The following TSC1 variants were observed in gnomAD, a reference collection of about 807,000 sequenced individuals.
TSC1 encodes the protein TSC complex subunit 1.
TSC1 carries 20 observed loss-of-function variants against 124.3 expected under a neutral mutation model. That is an observed-to-expected ratio of 0.16 (90% confidence interval 0.11 to 0.23). TSC1 has a LOEUF of 0.23. TSC1 is among the 10% of genes least tolerant of loss of function. The pLI is 1.00. For missense variants in TSC1, 1,124 were observed against 1,448.5 expected (o/e 0.78, Z 3.64); for synonymous variants, 493 against 539.1 (o/e 0.91, Z 1.19).
chr9:132,903,540 TG>T lies in TSC1; in HGVS notation c.2208+110del. On this transcript the variant is annotated intron_variant, in intron 17 of 22. Coordinates refer to ENST00000298552, the MANE Select transcript of TSC1 (RefSeq NM_000368.5). The surrounding 1 kb of genome is among the most constrained non-coding windows in gnomAD (Gnocchi z 5.9). ...ATCTCAAGCGACCTGCCCAAAGGAG[TG>T]GGAAGGACTGGGAACTCTGACCTCC... The T allele has an allele frequency of 6.7e-7, 1 of 1,500,706 alleles. No homozygotes were observed. The allele number at this position is 1,500,706 out of a possible 1,614,324, so 93.0% of individuals were successfully genotyped here.
chr9:132,914,776 C>G (rs1168647217), intron 8 of TSC1, among the ~76,000 whole-genome samples: 1 of 151,024 alleles, frequency 6.6e-6, no homozygotes, highest in Admixed American at 6.6e-5. Flanking sequence ...GGCTAAGACT[C>G]GAGAATCACT....
chr9:132,939,353 A>G (rs1847621279), intron 1 of TSC1: 1 of 152,244 alleles, frequency 6.6e-6, no homozygotes, highest in Non-Finnish European at 1.5e-5. Context: ...AAACCTGCCA[A>G]CATGTGTAGT....
Position 132,906,863 on chromosome 9 carries a change from C to T in TSC1, c.1334-28G>A, listed in dbSNP as rs1392265764. ...GAAGAGAAACAAAGACAACTGAAGT[C>T]AAAGAAATACAGTGTAATCCCTGTA... is the stretch of plus-strand genomic sequence containing the variant. On this transcript the variant is annotated intron_variant, in intron 13 of 22. Coordinates refer to ENST00000298552, the MANE Select transcript of TSC1 (RefSeq NM_000368.5). This position sits in a 1 kb window ranked among gnomAD's most constrained non-coding sequence, Gnocchi z 4.1. 3 of 1,567,066 alleles carry T rather than the reference C, an allele frequency of 1.9e-6. No individual in the cohort carries two copies. The highest frequency in any genetic ancestry group is 1.4e-5 in the African/African-American group (1 of 73,976).
chr9:132,928,487 A>G (rs1238699763), intron 3 of TSC1, among the ~76,000 whole-genome samples: 2 of 152,226 alleles, frequency 1.3e-5, no homozygotes, highest in African/African-American at 4.8e-5. Flanking sequence ...TTAAAGCAAC[A>G]TCTGGAATTT....
rs562248580 is a variant in TSC1, at chr9:132,933,778, A to AT, written c.-81+1254dup. Among the ~76,000 whole-genome samples the AT allele has an allele frequency of 3.3e-4, 50 of 152,344 alleles. No homozygotes were observed. The Middle Eastern group carries it at 0.01, about 31-fold the overall frequency. On this transcript the variant is annotated intron_variant, in intron 2 of 22. Coordinates refer to ENST00000298552, the MANE Select transcript of TSC1 (RefSeq NM_000368.5). ...TGCAATACAATTACTATCGTGAAAA[A>AT]TGTTTAATAAAATTTGAGATTTACT...
At chr9:132,941,185 A>G (rs1360689440) in intron 1 of TSC1, 1 of 152,246 alleles carries the variant, frequency 6.6e-6, no homozygotes, top group Non-Finnish European at 1.5e-5. Flanking sequence ...TTCAACCGTA[A>G]AAAGTATTGT....
intron 13 of TSC1, 127 bp downstream of exon 13, chr9:132,907,174 T>C (rs1319005535): frequency 2.5e-6 from 2 of 800,336 alleles, no homozygotes; most frequent in East Asian, 5.2e-5. Context: ...ACTCGTTTCA[T>C]TATGTTTAGG....
intron 8 of TSC1, among the ~76,000 whole-genome samples, chr9:132,915,537 T>C (rs1255240151): frequency 1.3e-5 from 2 of 152,222 alleles, no homozygotes; most frequent in African/African-American, 2.4e-5. Flanking sequence ...ATGAACAGAA[T>C]ATTTAAAATT....
At chr9:132,912,665 A>T in intron 8 of TSC1, 2 of 599,058 alleles carry the variant, frequency 3.3e-6, no homozygotes, top group Non-Finnish European at 5.9e-6. Context: ...TGGTTATATC[A>T]AGTTTACAAG....
chr9:132,944,218 G>A (rs931152940), intron 1 of TSC1, among the ~76,000 whole-genome samples: 2 of 152,108 alleles, frequency 1.3e-5, no homozygotes, highest in African/African-American at 4.8e-5. Flanking sequence ...ACCAAGTGAG[G>A]GACTGACGAA....
rs1844983453 is a variant in TSC1, at chr9:132,895,479, C to T, written c.*756G>A. The T allele has an allele frequency of 4.3e-6, 1 of 233,812 alleles. No individual in the cohort carries two copies. Among genetic ancestry groups the T allele is most frequent in the East Asian group, 6.0e-5 (1 of 16,586 alleles). The allele number at this position is 233,812 out of a possible 1,614,324, so 14.5% of individuals were successfully genotyped here. A position where few individuals can be genotyped will look rare whatever the true frequency, so the allele number is the denominator to read the frequency against. ...ACACCAGCCTGTGGTCACAATAGTA[C>T]CAGCATTCAAGCAAACACCAAATAA... On this transcript the variant is annotated 3_prime_UTR_variant, in exon 23 of 23. Coordinates refer to ENST00000298552, the MANE Select transcript of TSC1 (RefSeq NM_000368.5).
At chr9:132,920,024 C>T (rs1232115481) in intron 8 of TSC1, among the ~76,000 whole-genome samples, 2 of 152,266 alleles carry the variant, frequency 1.3e-5, no homozygotes, top group Non-Finnish European at 2.9e-5. Context: ...CAGAGAGCAG[C>T]TTCCCTGCCT....
chr9:132,912,154 A>T, intron 9 of TSC1, 128 bp downstream of exon 9: 1 of 1,107,146 alleles, frequency 9.0e-7, no homozygotes, highest in Non-Finnish European at 1.3e-6. Flanking sequence ...ATGCAAATTT[A>T]AGATATTTTG....
At position 132,906,362 on chromosome 9, in the gene TSC1, A is replaced by G. The variant is rs916526518; in HGVS notation, c.1439-223T>C. 13 of 608,646 alleles carry G rather than the reference A, an allele frequency of 2.1e-5. No individual in the cohort carries two copies. Among genetic ancestry groups the G allele is most frequent in the Non-Finnish European group, 3.5e-5 (12 of 342,584 alleles). The allele number at this position is 608,646 out of a possible 1,614,324, so 37.7% of individuals were successfully genotyped here. On this transcript the variant is annotated intron_variant, in intron 14 of 22. Coordinates refer to ENST00000298552, the MANE Select transcript of TSC1 (RefSeq NM_000368.5). The surrounding 1 kb of genome is among the most constrained non-coding windows in gnomAD (Gnocchi z 4.1). Reference sequence around the variant, plus strand: ...GGAGTTAGAGACCAGCCTGGACAACATAGGGAGATCCCATCTCTACAAAAA... The same window carrying G: ...GGAGTTAGAGACCAGCCTGGACAACGTAGGGAGATCCCATCTCTACAAAAA...
rs1483354391 is a variant in TSC1, at chr9:132,921,841, T to C, written c.641A>G (p.Glu214Gly). Residue 214 changes from glutamate (E) to glycine (G), a missense_variant, in exon 7 of 23, where the codon GAG becomes GGG. Glu to Gly is a moderately conservative substitution (Grantham distance 98, BLOSUM62 -2). Around this residue, in one of 5 missense-constraint regions of TSC1, gnomAD observed 463 missense variants for 606.8 expected, o/e 0.76. Transcript: ENST00000298552. The surrounding 1 kb of genome is among the most constrained non-coding windows in gnomAD (Gnocchi z 4.3). ...TACCTTGACCACTTCTTCAAAAGTC[T>C]CCAGGTTTTCTTTCATACTGTAATG... is the stretch of plus-strand genomic sequence containing the variant. ...RSHYSMKENL[E>G]TFEEVVKPMM... 2 of 1,614,212 alleles carry C rather than the reference T, an allele frequency of 1.2e-6. No homozygotes were observed. Among genetic ancestry groups the C allele is most frequent in the Admixed American group, 3.3e-5 (2 of 60,022 alleles).
chr9:132,943,560 T>C (rs1022030881), intron 1 of TSC1: 1 of 152,208 alleles, frequency 6.6e-6, no homozygotes, highest in Non-Finnish European at 1.5e-5. Context: ...TCAGATACAA[T>C]TGGGGTGTGA....
At chr9:132,928,718 A>C (rs1847026799) in intron 3 of TSC1, 49 bp downstream of exon 3, 4 of 1,609,104 alleles carry the variant, frequency 2.5e-6, no homozygotes, top group Non-Finnish European at 3.4e-6. Flanking sequence ...CTCTAAAGTC[A>C]ATCTCTTCTT....
At position 132,906,154 on chromosome 9, in the gene TSC1, G is replaced by A. The variant is rs763538221; in HGVS notation, c.1439-15C>T. On this transcript the variant is annotated splice_polypyrimidine_tract_variant and intron_variant, in intron 14 of 22. Transcript: ENST00000298552. This position sits in a 1 kb window ranked among gnomAD's most constrained non-coding sequence, Gnocchi z 4.1. ...AGATATTGCAGCTGAGAGGAAGAGA[G>A]GAAACAAAAGAAATGGCAGTCGGTA... The A allele has an allele frequency of 6.2e-7, 1 of 1,610,528 alleles. No homozygotes were observed. Among genetic ancestry groups the A allele is most frequent in the Non-Finnish European group, 8.5e-7 (1 of 1,179,244 alleles).
chr9:132,941,528 T>C (rs2132485872), intron 1 of TSC1: 1 of 152,356 alleles, frequency 6.6e-6, no homozygotes, highest in Middle Eastern at 3.4e-3. Context: ...TGTTTGAGTG[T>C]ATACTACATA....
Sources: allele counts gnomAD v4.1 joint callset (sites outside exome capture counted in the v4.1 genomes callset), GRCh38; gene constraint gnomAD v4.1.1; regional missense constraint gnomAD v4.1.1; non-coding constraint Gnocchi (gnomAD v3.1); transcripts MANE v1.5; gene names NCBI Gene and HGNC (gene_info 2026-07-23, HGNC 2026-07-21).